Variants in DNAJC22 observed in about 807,000 individuals in gnomAD.
DNAJC22 encodes the protein dnaJ homolog subfamily C member 22.
Under a neutral mutation model 22.2 loss-of-function variants are expected in DNAJC22, and 24 were observed. The ratio of observed to expected loss-of-function variants is 1.08; its 90% CI spans 0.78 to 1.52. The LOEUF (loss-of-function observed/expected upper bound fraction) is 1.52, where lower values mean the gene tolerates loss of function less well. Among genes scored for constraint, DNAJC22 ranks in the 40% most tolerant of loss-of-function variants. The pLI is 0.00. For synonymous variants in DNAJC22, 160 were observed against 167.4 expected (o/e 0.96, Z 0.34); for missense variants, 434 against 421.7 (o/e 1.03, Z -0.26).
Position 49,348,940 on chromosome 12 carries a change from T to C in DNAJC22, c.68T>C (p.Leu23Pro), listed in dbSNP as rs765333549. The change falls in exon 3 of 4, where the codon CTG (leucine) becomes CCG (proline). Residue 23 changes from leucine (L) to proline (P), a missense_variant. Transcript: ENST00000549441. ...AVGGPAGLHHLYLGRDSHALL... is the reference protein window; with the variant it reads ...AVGGPAGLHHPYLGRDSHALL... The stretch of plus-strand genomic sequence containing the variant: ...GGGGGCCCTGCTGGGCTCCACCACC[T>C]GTACCTGGGAAGGGACAGCCACGCC... 4 of 1,525,352 alleles carry C rather than the reference T, an allele frequency of 2.6e-6. No homozygotes were observed. Among genetic ancestry groups the C allele is most frequent in the South Asian group, 1.3e-5 (1 of 75,428 alleles). The allele number at this position is 1,525,352 out of a possible 1,614,324, so 94.5% of individuals were successfully genotyped here. A position where few individuals can be genotyped will look rare whatever the true frequency, so the allele number is the denominator to read the frequency against.
chr12:49,351,196 C>T, intron 3 of DNAJC22, 121 bp from the exon 4 acceptor site: 2 of 1,519,808 alleles, frequency 1.3e-6, no homozygotes, highest in African/African-American at 1.4e-5. Flanking sequence ...GGACCTTTCC[C>T]ACGGGCAAGT....
Position 49,349,821 on chromosome 12 carries a change from G to A in DNAJC22, c.840+109G>A, listed in dbSNP as rs1943756801. ...GCTGGAAGGATATTCTGGCTTCTTT[G>A]GATATCTGTGTACAATGGGCAAAGG... On this transcript the variant is annotated intron_variant, in intron 3 of 3. Coordinates refer to ENST00000549441, the MANE Select transcript of DNAJC22 (RefSeq NM_001304944.2). 2.6e-5 allele frequency: 41 copies of A among 1,551,288 alleles called. No homozygotes were observed. The Middle Eastern group carries it at 5.7e-4, about 22-fold the overall frequency.
chr12:49,349,312 G>A lies in DNAJC22; in HGVS notation c.440G>A (p.Gly147Asp), dbSNP rs769850639. 6.8e-6 allele frequency: 11 copies of A among 1,613,476 alleles called. No homozygotes were observed. The Admixed American group carries it at 1.3e-4, about 20-fold the overall frequency. ...TTTCTCACTTCACCTATCTTCTATGGCCGCCCCATAGCCATACTGCCCATT... is the reference window on the plus strand; with the variant it reads ...TTTCTCACTTCACCTATCTTCTATGACCGCCCCATAGCCATACTGCCCATT... The part of the protein sequence containing the change: ...SAFLTSPIFY[G>D]RPIAILPISV... The change falls in exon 3 of 4, where the codon GGC becomes GAC. Residue 147 changes from glycine (G) to aspartate (D), a missense_variant. Transcript: ENST00000549441.
intron 3 of DNAJC22, 83 bp downstream of exon 3, chr12:49,349,795 T>C (rs966323257): frequency 6.3e-7 from 1 of 1,580,886 alleles, no homozygotes; most frequent in Non-Finnish European, 8.6e-7. Flanking sequence ...GTTGGCCAGG[T>C]GCTGGAAGGA....
chr12:49,349,302 A>G lies in DNAJC22; in HGVS notation c.430A>G (p.Ile144Val), dbSNP rs374496763. 1.6e-5 allele frequency: 26 copies of G among 1,613,884 alleles called. No individual in the cohort carries two copies. The highest frequency in any genetic ancestry group is 2.0e-5 in the Non-Finnish European group (24 of 1,179,940). Residue 144 changes from isoleucine to valine, a missense_variant, in exon 3 of 4, where the codon ATC (isoleucine) becomes GTC (valine). Ile to Val is a conservative substitution (Grantham distance 29). Coordinates refer to ENST00000549441, the MANE Select transcript of DNAJC22 (RefSeq NM_001304944.2). ...TLGSAFLTSP[I>V]FYGRPIAILP... ...GGGGTCAGCATTTCTCACTTCACCT[A>G]TCTTCTATGGCCGCCCCATAGCCAT...
At chr12:49,348,523 C>T (rs1943728887) in intron 2 of DNAJC22, among the ~76,000 whole-genome samples, 1 of 152,022 alleles carries the variant, frequency 6.6e-6, no homozygotes, top group Non-Finnish European at 1.5e-5. Context: ...TCCACACATC[C>T]CCCCATGAGT....
At chr12:49,348,709 G>A (rs1336562864) in intron 2 of DNAJC22, 57 bp from the exon 3 acceptor site, 5 of 924,866 alleles carry the variant, frequency 5.4e-6, no homozygotes, top group African/African-American at 5.1e-5. Flanking sequence ...AAGAGAAATG[G>A]TTGCTGTGTT....
Position 49,351,900 on chromosome 12 carries a change from CAA to C in DNAJC22, c.*411_*412del, listed in dbSNP as rs1471610984. ...GGGCAACAAGAGTGAAACTCCGTCT[CAA>C]AAAAAAAAAAAAGAAAGAAAAACTG... On this transcript the variant is annotated 3_prime_UTR_variant, in exon 4 of 4. Transcript: ENST00000549441. The C allele has an allele frequency of 1.2e-4, 11 of 94,794 alleles. No homozygotes were observed. Among genetic ancestry groups the C allele is most frequent in the East Asian group, 3.1e-4 (1 of 3,206 alleles). 5.9% of individuals were successfully genotyped at this position (94,794 alleles called of 1,614,324 possible).
chr12:49,350,865 G>C (rs1943774816), intron 3 of DNAJC22, among the ~76,000 whole-genome samples: 1 of 152,110 alleles, frequency 6.6e-6, no homozygotes, highest in African/African-American at 2.4e-5. Flanking sequence ...CCCATTGTAT[G>C]ATTATACCAC....
At position 49,352,231 on chromosome 12, in the gene DNAJC22, G is replaced by T. The variant is rs1943793734; in HGVS notation, c.*729G>T. On this transcript the variant is annotated 3_prime_UTR_variant, in exon 4 of 4. Coordinates refer to ENST00000549441, the MANE Select transcript of DNAJC22 (RefSeq NM_001304944.2). Reference sequence around the variant, plus strand: ...ACTATTTTTTTAAATGTGTAAAGCAGCAGGGCATAGTGGCTTACGCCTGTA... The same window carrying T: ...ACTATTTTTTTAAATGTGTAAAGCATCAGGGCATAGTGGCTTACGCCTGTA... 6.6e-6 allele frequency: 1 copy of T among 152,246 alleles called. No individual in the cohort carries two copies. Among genetic ancestry groups the T allele is most frequent in the Non-Finnish European group, 1.5e-5 (1 of 68,056 alleles). The allele number at this position is 152,246 out of a possible 1,614,324, so 9.4% of individuals were successfully genotyped here.
rs1943717160 is a variant in DNAJC22, at chr12:49,347,754, C to G, written c.-459C>G. The G allele has an allele frequency of 1.3e-5, 2 of 152,488 alleles. No individual in the cohort carries two copies. The highest frequency in any genetic ancestry group is 4.1e-4 in the South Asian group (2 of 4,838). 9.4% of individuals were successfully genotyped at this position (152,488 alleles called of 1,614,324 possible). ...AAGGTGTCTGGGGACCGCCCGGACC[C>G]CCCCTTCCATCGGCGGCAGCGCCAC... On this transcript the variant is annotated 5_prime_UTR_variant, in exon 2 of 4. Transcript: ENST00000549441.
At position 49,348,913 on chromosome 12, in the gene DNAJC22, T is replaced by G; in HGVS notation, c.41T>G (p.Val14Gly). Reference sequence around the variant, plus strand: ...CTGGTGACCTATGCCCTCTGGGCTGTGGGGGGCCCTGCTGGGCTCCACCAC... The same window carrying G: ...CTGGTGACCTATGCCCTCTGGGCTGGGGGGGGCCCTGCTGGGCTCCACCAC... ...GLLVTYALWA[V>G]GGPAGLHHLY... The change falls in exon 3 of 4, where the codon GTG becomes GGG. Residue 14 changes from valine to glycine, a missense_variant. Val to Gly is a moderately radical substitution (Grantham distance 109). Transcript: ENST00000549441. 6.6e-7 allele frequency: 1 copy of G among 1,519,496 alleles called. No individual in the cohort carries two copies. The highest frequency in any genetic ancestry group is 8.8e-7 in the Non-Finnish European group (1 of 1,136,692). 94.1% of individuals were successfully genotyped at this position (1,519,496 alleles called of 1,614,324 possible). A position where few individuals can be genotyped will look rare whatever the true frequency, so the allele number is the denominator to read the frequency against.
chr12:49,349,661 C>G lies in DNAJC22; in HGVS notation c.789C>G (p.Leu263=). 1 of 1,614,240 alleles carries G rather than the reference C, an allele frequency of 6.2e-7. No individual in the cohort carries two copies. Among genetic ancestry groups the G allele is most frequent in the Non-Finnish European group, 8.5e-7 (1 of 1,180,048 alleles). ...GCTGCTTTCAGGAGTGGGCGAAGCT[C>G]TATGAGTTTGTTCACAGTTTTCAGG... The part of the protein sequence containing the change: ...NSSCFQEWAK[L]YEFVHSFQDE... Residue 263 remains leucine (L), a synonymous_variant, in exon 3 of 4, where the codon CTC becomes CTG. Coordinates refer to ENST00000549441, the MANE Select transcript of DNAJC22 (RefSeq NM_001304944.2).
At position 49,349,280 on chromosome 12, in the gene DNAJC22, G is replaced by A. The variant is rs755684832; in HGVS notation, c.408G>A (p.Gly136=). 6 of 1,614,142 alleles carry A rather than the reference G, an allele frequency of 3.7e-6. No homozygotes were observed. The highest frequency in any genetic ancestry group is 3.3e-4 in the Middle Eastern group (2 of 6,062). The part of the protein sequence containing the change: ...NQTSDFKNTL[G]SAFLTSPIFY... The stretch of plus-strand genomic sequence containing the variant: ...CCTCAGACTTTAAGAACACTCTGGG[G>A]TCAGCATTTCTCACTTCACCTATCT... Residue 136 remains glycine (G), a synonymous_variant, in exon 3 of 4, where the codon GGG becomes GGA. Transcript: ENST00000549441.
In DNAJC22 at chr12:49,349,493, C is replaced by CCTCA; in HGVS notation, c.622_625dup (p.Ser209ThrfsTer58). ...GTGCCCTCTGCAACACAGCTGCCAC[C>CCTCA]CTCAGCTATGTGGCAGAAACCTTTG... On this transcript the variant is annotated frameshift_variant, in exon 3 of 4. Coordinates refer to ENST00000549441, the MANE Select transcript of DNAJC22 (RefSeq NM_001304944.2). LOFTEE classifies it high-confidence loss of function. 6.2e-7 allele frequency: 1 copy of CCTCA among 1,614,224 alleles called. No individual in the cohort carries two copies. The highest frequency in any genetic ancestry group is 8.5e-7 in the Non-Finnish European group (1 of 1,180,044).
chr12:49,348,945 C>T lies in DNAJC22; in HGVS notation c.73C>T (p.Leu25=). The T allele has an allele frequency of 6.6e-7, 1 of 1,526,412 alleles. No homozygotes were observed. The highest frequency in any genetic ancestry group is 8.8e-7 in the Non-Finnish European group (1 of 1,140,500). The allele number at this position is 1,526,412 out of a possible 1,614,324, so 94.6% of individuals were successfully genotyped here. A position where few individuals can be genotyped will look rare whatever the true frequency, so the allele number is the denominator to read the frequency against. ...GGPAGLHHLY[L]GRDSHALLWM... ...CCCTGCTGGGCTCCACCACCTGTACCTGGGAAGGGACAGCCACGCCCTGCT... is the reference window on the plus strand; with the variant it reads ...CCCTGCTGGGCTCCACCACCTGTACTTGGGAAGGGACAGCCACGCCCTGCT... Residue 25 remains leucine (L), a synonymous_variant, in exon 3 of 4, where the codon CTG becomes TTG. Transcript: ENST00000549441.
At chr12:49,351,185 T>C (rs1425342785) in intron 3 of DNAJC22, 132 bp from the exon 4 acceptor site, 6 of 1,505,812 alleles carry the variant, frequency 4.0e-6, no homozygotes, top group Non-Finnish European at 5.3e-6. Context: ...CCTGAGCTGC[T>C]GGACCTTTCC....
At chr12:49,350,696 C>T (rs555228828) in intron 3 of DNAJC22, among the ~76,000 whole-genome samples, 316 of 149,760 alleles carry the variant, frequency 2.1e-3, no homozygotes, top group South Asian at 9.8e-3. Context: ...CGGGGTTTCT[C>T]CATGTTGGTC....
intron 2 of DNAJC22, among the ~76,000 whole-genome samples, chr12:49,348,521 TC>T (rs1282137646): frequency 2.0e-5 from 3 of 151,952 alleles, no homozygotes; most frequent in Admixed American, 6.6e-5. Flanking sequence ...CCTCCACACA[TC>T]CCCCCATGAG....
Sources: allele counts gnomAD v4.1 joint callset (sites outside exome capture counted in the v4.1 genomes callset), GRCh38; gene constraint gnomAD v4.1.1; transcripts MANE v1.5; gene names NCBI Gene and HGNC (gene_info 2026-07-23, HGNC 2026-07-21).